The following TTC27 variants were observed in gnomAD, a reference collection of about 807,000 sequenced individuals.
The protein encoded by TTC27 is tetratricopeptide repeat protein 27.
TTC27 carries 79 observed loss-of-function variants against 115.9 expected under a neutral mutation model. That is an observed-to-expected ratio of 0.68 (90% CI 0.57 to 0.82). The LOEUF is 0.82. Among genes scored for constraint, TTC27 ranks in the 40% least tolerant of loss-of-function variants. The pLI is 0.00. For synonymous variants in TTC27, 401 were observed against 356.0 expected (o/e 1.13, Z -1.42); for missense variants, 1,054 against 993.1 (o/e 1.06, Z -0.82).
chr2:32,684,751 T>C (rs896780362), intron 9 of TTC27, among the ~76,000 whole-genome samples: 4 of 152,132 alleles, frequency 2.6e-5, no homozygotes, highest in Non-Finnish European at 4.4e-5. Flanking sequence ...CTATTAGTGC[T>C]TGTACTTTTG....
At chr2:32,642,994 G>C (rs974619021) in intron 4 of TTC27, among the ~76,000 whole-genome samples, 5 of 152,042 alleles carry the variant, frequency 3.3e-5, no homozygotes, top group African/African-American at 1.2e-4. Flanking sequence ...TTTTGAGACA[G>C]CGTCTTGCTC....
In TTC27 at chr2:32,664,376, A is replaced by T; in HGVS notation, c.714A>T (p.Ala238=). ...YLAIQFHLEC[A]YVFLYYYEYR... is the part of the protein sequence containing the mutation. Reference sequence around the variant, plus strand: ...CTATTCAATTCCATCTGGAATGTGCATATGTGTTTTTATATTATTATGAGT... The same window carrying T: ...CTATTCAATTCCATCTGGAATGTGCTTATGTGTTTTTATATTATTATGAGT... Residue 238 remains alanine (A), a synonymous_variant, in exon 6 of 20, where the codon GCA becomes GCT. Coordinates refer to ENST00000317907, the MANE Select transcript of TTC27 (RefSeq NM_017735.5). The T allele has an allele frequency of 6.2e-7, 1 of 1,612,792 alleles. No homozygotes were observed. The highest frequency in any genetic ancestry group is 1.7e-5 in the Admixed American group (1 of 59,896).
chr2:32,724,785 G>A (rs939388272), intron 10 of TTC27, among the ~76,000 whole-genome samples: 11 of 152,158 alleles, frequency 7.2e-5, no homozygotes, highest in Non-Finnish European at 1.6e-4. Context: ...TCACTTCAAG[G>A]AAAATAATTG....
intron 17 of TTC27, among the ~76,000 whole-genome samples, chr2:32,811,543 G>A (rs1339995272): frequency 1.3e-5 from 2 of 152,112 alleles, no homozygotes; most frequent in African/African-American, 4.8e-5. Context: ...CCTTTCTGCA[G>A]GCACCTTGCT....
chr2:32,683,039 TA>T (rs1333766149), intron 9 of TTC27, among the ~76,000 whole-genome samples: 3 of 151,718 alleles, frequency 2.0e-5, no homozygotes, highest in African/African-American at 7.3e-5. Context: ...TGTTTTTCAG[TA>T]AAGATGGGGT....
intron 3 of TTC27, among the ~76,000 whole-genome samples, chr2:32,639,009 G>T (rs1251081032): frequency 9.2e-5 from 14 of 151,850 alleles, no homozygotes; most frequent in Middle Eastern, 3.4e-3. Flanking sequence ...ATTTTTTGTA[G>T]TTTTAATAGA....
chr2:32,810,819 C>T (rs934719792), intron 16 of TTC27, among the ~76,000 whole-genome samples: 3 of 152,140 alleles, frequency 2.0e-5, no homozygotes, highest in African/African-American at 4.8e-5. Flanking sequence ...TTTGAAGGGA[C>T]ATCAGAGAGG....
At chr2:32,663,497 C>A (rs570706320) in intron 5 of TTC27, among the ~76,000 whole-genome samples, 1 of 152,196 alleles carries the variant, frequency 6.6e-6, no homozygotes, top group East Asian at 1.9e-4. Flanking sequence ...TGGGCTGCAC[C>A]CACTGTCTAA....
chr2:32,707,225 A>G (rs544439178), intron 10 of TTC27, among the ~76,000 whole-genome samples: 12 of 152,332 alleles, frequency 7.9e-5, no homozygotes, highest in Admixed American at 2.0e-4. Context: ...TGTTTCTTAC[A>G]GTTCTGGGGA....
intron 9 of TTC27, among the ~76,000 whole-genome samples, chr2:32,679,769 G>C (rs1666351803): frequency 6.6e-6 from 1 of 152,154 alleles, no homozygotes; most frequent in South Asian, 2.1e-4. Context: ...GAGGCAGGTG[G>C]ATCACTTGAG....
chr2:32,758,200 T>C, intron 12 of TTC27, 92 bp from the exon 13 acceptor site: 5 of 1,145,612 alleles, frequency 4.4e-6, no homozygotes. Context: ...AATAAAAATT[T>C]GGATTGTGTG....
chr2:32,634,048 T>C (rs1664319712), intron 3 of TTC27, 43 bp downstream of exon 3: 3 of 1,567,770 alleles, frequency 1.9e-6, no homozygotes, highest in African/African-American at 2.8e-5. Flanking sequence ...TATTATGTTA[T>C]TTATTTTTTA....
intron 10 of TTC27, among the ~76,000 whole-genome samples, chr2:32,723,695 C>CCTCT (rs1245023950): frequency 3.7e-4 from 11 of 29,558 alleles, no homozygotes; most frequent in Admixed American, 1.8e-3. Context: ...TCAGCTCCTT[C>CCTCT]CTCCCTCCCT....
intron 11 of TTC27, among the ~76,000 whole-genome samples, chr2:32,735,991 A>G (rs1668440667): frequency 6.6e-6 from 1 of 152,180 alleles, no homozygotes; most frequent in African/African-American, 2.4e-5. Context: ...AAGTATACTT[A>G]AGAGAGAACA....
intron 7 of TTC27, among the ~76,000 whole-genome samples, chr2:32,670,325 G>A (rs190898632): frequency 6.5e-4 from 99 of 152,160 alleles, no homozygotes; most frequent in African/African-American, 2.2e-3. Flanking sequence ...AATTAGACGC[G>A]TGTCACCACC....
intron 16 of TTC27, among the ~76,000 whole-genome samples, chr2:32,791,609 G>A (rs1263830768): frequency 3.3e-5 from 5 of 152,076 alleles, no homozygotes; most frequent in Non-Finnish European, 7.4e-5. Flanking sequence ...TCTTTGTCAC[G>A]CCTTGAAGTC....
intron 18 of TTC27, among the ~76,000 whole-genome samples, chr2:32,816,857 G>A (rs1184666638): frequency 6.6e-6 from 1 of 152,180 alleles, no homozygotes; most frequent in Non-Finnish European, 1.5e-5. Flanking sequence ...CCCCATTGGG[G>A]ACTTGGTAGC....
chr2:32,811,001 A>G (rs1671297512), intron 16 of TTC27, 23 bp from the exon 17 acceptor site: 1 of 1,612,638 alleles, frequency 6.2e-7, no homozygotes, highest in Non-Finnish European at 8.5e-7. Flanking sequence ...CTAACTTACC[A>G]GTTTGTTCTG....
chr2:32,728,624 A>G (rs1349111001), intron 10 of TTC27, among the ~76,000 whole-genome samples: 1 of 152,146 alleles, frequency 6.6e-6, no homozygotes, highest in African/African-American at 2.4e-5. Context: ...ACATAGTTTT[A>G]CAGAAGGTTT....
Sources: gnomAD v4.1 joint callset for allele counts (sites outside exome capture counted in the v4.1 genomes callset) on GRCh38, gnomAD v4.1.1 for gene constraint, MANE v1.5 for transcripts, NCBI Gene and HGNC (gene_info 2026-07-23, HGNC 2026-07-21) for gene names.